The following ATP2B2 variants were observed in gnomAD, a reference collection of about 807,000 sequenced individuals.
ATP2B2 encodes the protein ATPase plasma membrane Ca2+ transporting 2.
A neutral mutation model predicts 120.0 loss-of-function variants in ATP2B2; 15 were observed. The observed-to-expected ratio is 0.12, with a 90% CI of 0.08 to 0.19. The LOEUF is 0.19. Among genes scored for constraint, ATP2B2 ranks in the 10% least tolerant of loss-of-function variants. The pLI, the probability that ATP2B2 is intolerant of heterozygous loss-of-function variation, is 1.00. For missense variants in ATP2B2, 1,045 were observed against 1,719.8 expected (o/e 0.61, Z 6.94); for synonymous variants, 694 against 700.3 (o/e 0.99, Z 0.14).
intron 3 of ATP2B2, among the ~76,000 whole-genome samples, chr3:10,517,577 T>C (rs1471520048): frequency 6.6e-6 from 1 of 152,218 alleles, no homozygotes; most frequent in African/African-American, 2.4e-5. Context: ...TTGATGATAC[T>C]GCTACTCAGC....
chr3:10,688,600 GAGA>G (rs934688472), intron 1 of ATP2B2, among the ~76,000 whole-genome samples: 1 of 152,190 alleles, frequency 6.6e-6, no homozygotes, highest in African/African-American at 2.4e-5. Context: ...AAAGCCACCG[GAGA>G]AAGAAAATTT....
chr3:10,523,014 C>T (rs79347125), intron 3 of ATP2B2, among the ~76,000 whole-genome samples: 4,012 of 152,326 alleles, frequency 0.026, 164 homozygotes, highest in African/African-American at 0.091. Context: ...ATGCACTGGA[C>T]TCTTCAAAGT....
chr3:10,337,676 TC>T (rs1290229167), intron 22 of ATP2B2, among the ~76,000 whole-genome samples: 1 of 152,020 alleles, frequency 6.6e-6, no homozygotes. Context: ...TGACCTTTGC[TC>T]CCCAGAGCCT....
At chr3:10,580,919 G>C (rs1232299186) in intron 2 of ATP2B2, among the ~76,000 whole-genome samples, 1 of 152,244 alleles carries the variant, frequency 6.6e-6, no homozygotes, top group Non-Finnish European at 1.5e-5. Flanking sequence ...TGCGACAGAA[G>C]TCATCTAACT....
chr3:10,666,204 C>A (rs930782346), intron 1 of ATP2B2, among the ~76,000 whole-genome samples: 3 of 152,124 alleles, frequency 2.0e-5, no homozygotes, highest in East Asian at 3.9e-4. Context: ...ATTCCCTCTC[C>A]CCTGGCCCTA....
intron 2 of ATP2B2, among the ~76,000 whole-genome samples, chr3:10,596,273 T>C (rs1275086343): frequency 6.6e-6 from 1 of 152,194 alleles, no homozygotes; most frequent in Non-Finnish European, 1.5e-5. Context: ...ACTGAGTTGA[T>C]TTAGTAGTGC....
intron 4 of ATP2B2, among the ~76,000 whole-genome samples, chr3:10,401,722 T>C (rs1417943879): frequency 6.6e-6 from 1 of 152,140 alleles, no homozygotes; most frequent in Non-Finnish European, 1.5e-5. Flanking sequence ...GGATGGGAAA[T>C]AGGTTTCATC....
intron 2 of ATP2B2, among the ~76,000 whole-genome samples, chr3:10,579,604 T>C (rs1418516596): frequency 6.6e-6 from 1 of 151,892 alleles, no homozygotes; most frequent in Admixed American, 6.6e-5. Context: ...AGGTCAGGAG[T>C]TCGAGACCAG....
intron 1 of ATP2B2, among the ~76,000 whole-genome samples, chr3:10,471,314 C>A (rs1303678298): frequency 1.3e-5 from 2 of 151,948 alleles, no homozygotes; most frequent in Non-Finnish European, 2.9e-5. Flanking sequence ...GTGTTCCAGG[C>A]CACGGGAGTC....
At chr3:10,539,367 A>G (rs1209561934) in intron 2 of ATP2B2, among the ~76,000 whole-genome samples, 2 of 152,244 alleles carry the variant, frequency 1.3e-5, no homozygotes, top group Non-Finnish European at 2.9e-5. Flanking sequence ...AATTGGAAAA[A>G]ACTGCTTTAA....
At chr3:10,619,310 T>C (rs1184547581) in intron 2 of ATP2B2, among the ~76,000 whole-genome samples, 2 of 152,076 alleles carry the variant, frequency 1.3e-5, no homozygotes, top group Non-Finnish European at 2.9e-5. Flanking sequence ...CAGAGCCAGC[T>C]CAATTCAAAA....
chr3:10,338,197 G>A lies in ATP2B2; in HGVS notation c.3399C>T (p.Gly1133=), dbSNP rs1368668796. ...LRRGQILWFR[G]LNRIQTQIRV... ...GTACCTGTGTCTGGATCCGATTCAG[G>A]CCTCGGAACCACAGGATCTGGCCCC... Residue 1133 remains glycine, a synonymous_variant, in exon 22 of 23, where the codon GGC becomes GGT. Coordinates refer to ENST00000360273, the MANE Select transcript of ATP2B2 (RefSeq NM_001001331.4). 1 of 1,614,106 alleles carries A rather than the reference G, an allele frequency of 6.2e-7. No individual in the cohort carries two copies. Among genetic ancestry groups the A allele is most frequent in the Admixed American group, 1.7e-5 (1 of 60,034 alleles).
intron 1 of ATP2B2, among the ~76,000 whole-genome samples, chr3:10,473,283 C>T (rs1048156355): frequency 6.6e-6 from 1 of 152,230 alleles, no homozygotes; most frequent in Non-Finnish European, 1.5e-5. Context: ...GTATGCCAAG[C>T]ATACTGTACT....
rs574733688 is a variant in ATP2B2 at position 10,329,201 on chromosome 3, G to A, written c.3421-76C>T. 3.8e-6 allele frequency: 5 copies of A among 1,313,646 alleles called. 1 individual carries two copies. Among genetic ancestry groups the A allele is most frequent in the Non-Finnish European group, 5.4e-6 (5 of 929,570 alleles). 81.4% of individuals were successfully genotyped at this position (1,313,646 alleles called of 1,614,324 possible). On this transcript the variant is annotated intron_variant, in intron 22 of 22. Transcript: ENST00000360273. The surrounding 1 kb of genome is among the most constrained non-coding windows in gnomAD (Gnocchi z 5.9). ...GCTCGGGGGGCTCACAGGAGGGGCGGGTGGGAGAAGGGTTAGGGCAAAGCA... is the reference window on the plus strand; with the variant it reads ...GCTCGGGGGGCTCACAGGAGGGGCGAGTGGGAGAAGGGTTAGGGCAAAGCA...
chr3:10,417,787 G>A (rs567100963), intron 2 of ATP2B2, among the ~76,000 whole-genome samples: 3 of 152,158 alleles, frequency 2.0e-5, no homozygotes, highest in African/African-American at 7.2e-5. Flanking sequence ...AAGGAGTGAG[G>A]GTTGATCAGA....
chr3:10,358,678 C>T lies in ATP2B2; in HGVS notation c.2136+13G>A. On this transcript the variant is annotated intron_variant, in intron 14 of 22. Transcript: ENST00000360273. ...CATCCCCTTTCCCTGAGCTCGCTGG[C>T]CCTGGGGCCTACCTCTGGCCGCACC... The T allele has an allele frequency of 6.2e-7, 1 of 1,613,912 alleles. No individual in the cohort carries two copies. Among genetic ancestry groups the T allele is most frequent in the Non-Finnish European group, 8.5e-7 (1 of 1,179,894 alleles).
chr3:10,439,832 T>C (rs2063598124), intron 2 of ATP2B2, among the ~76,000 whole-genome samples: 1 of 142,528 alleles, frequency 7.0e-6, no homozygotes, highest in African/African-American at 2.5e-5. Flanking sequence ...CTTGGTTCAC[T>C]GCAATCTTTG....
At chr3:10,545,384 C>T (rs1233982390) in intron 2 of ATP2B2, among the ~76,000 whole-genome samples, 1 of 152,066 alleles carries the variant, frequency 6.6e-6, no homozygotes, top group African/African-American at 2.4e-5. Context: ...CAAAAATTAG[C>T]CGGGCATGAT....
At position 10,415,393 on chromosome 3, in the gene ATP2B2, G is replaced by C. The variant is rs147680658; in HGVS notation, c.200-4578C>G. ...ATTTTGACAAGATAGGAAGGGGTCA[G>C]TCAAGGTGAGGAGAGGCACAGTGGA... On this transcript the variant is annotated intron_variant, in intron 2 of 22. Transcript: ENST00000360273. 1.9e-3 allele frequency among the ~76,000 whole-genome samples: 288 copies of C among 152,324 alleles called. 1 individual carries two copies. Among genetic ancestry groups the C allele is most frequent in the African/African-American group, 6.7e-3 (277 of 41,574 alleles).
Sources: gnomAD v4.1 joint callset for allele counts (sites outside exome capture counted in the v4.1 genomes callset) on GRCh38, gnomAD v4.1.1 for gene constraint, Gnocchi (gnomAD v3.1) non-coding constraint, MANE v1.5 for transcripts, NCBI Gene and HGNC (gene_info 2026-07-23, HGNC 2026-07-21) for gene names.